Variants in RABGAP1 observed in about 807,000 individuals in gnomAD.
RABGAP1 encodes rab GTPase-activating protein 1.
Under a neutral mutation model 137.6 loss-of-function variants are expected in RABGAP1, and 23 were observed. That is an observed-to-expected ratio of 0.17 (90% CI 0.12 to 0.24). RABGAP1 has a LOEUF of 0.24. RABGAP1 is among the 10% of genes least tolerant of loss of function. The pLI is 1.00. For synonymous variants in RABGAP1, 451 were observed against 450.7 expected, an observed-to-expected ratio of 1.00 and a Z score of -0.01; for missense variants, 906 against 1,275.8, an observed-to-expected ratio of 0.71 and a Z score of 4.42.
intron 14 of RABGAP1, among the ~76,000 whole-genome samples, chr9:123,067,530 T>A (rs2034215277): frequency 6.6e-6 from 1 of 152,232 alleles, no homozygotes; most frequent in South Asian, 2.1e-4. Flanking sequence ...TTGTATTATA[T>A]CCTGACTTAG....
At chr9:123,066,249 A>G (rs2034167859) in intron 14 of RABGAP1, among the ~76,000 whole-genome samples, 1 of 152,260 alleles carries the variant, frequency 6.6e-6, no homozygotes, top group African/African-American at 2.4e-5. Context: ...AGTTGAGTTT[A>G]GAGAAATATT....
chr9:122,976,652 G>T (rs1835773594), intron 2 of RABGAP1, among the ~76,000 whole-genome samples: 1 of 152,156 alleles, frequency 6.6e-6, no homozygotes, highest in Non-Finnish European at 1.5e-5. Flanking sequence ...CAGTAAATAT[G>T]TATTTCAGGT....
At chr9:122,979,400 TGCAA>T (rs1472006518) in intron 2 of RABGAP1, among the ~76,000 whole-genome samples, 2 of 152,214 alleles carry the variant, frequency 1.3e-5, no homozygotes, top group Non-Finnish European at 2.9e-5. Context: ...ATATATGACT[TGCAA>T]ATGTTTTCTC....
intron 10 of RABGAP1, among the ~76,000 whole-genome samples, chr9:123,005,301 C>T (rs868259045): frequency 2.3e-3 from 306 of 135,740 alleles, no homozygotes; most frequent in Middle Eastern, 7.7e-3. Context: ...TTTTTTTTTC[C>T]TTTTTTTTTT....
chr9:123,056,334 G>C (rs1343182036), intron 13 of RABGAP1, among the ~76,000 whole-genome samples: 1 of 152,154 alleles, frequency 6.6e-6, no homozygotes, highest in Non-Finnish European at 1.5e-5. Context: ...AGGAGCATAG[G>C]ACAAGTATAC....
intron 2 of RABGAP1, among the ~76,000 whole-genome samples, chr9:122,970,486 G>A (rs986029442): frequency 5.9e-5 from 9 of 152,034 alleles, no homozygotes; most frequent in African/African-American, 2.2e-4. Flanking sequence ...TAGATTCAGG[G>A]GGTACATGTA....
At chr9:122,972,688 A>G (rs1413740691) in intron 2 of RABGAP1, among the ~76,000 whole-genome samples, 1 of 152,244 alleles carries the variant, frequency 6.6e-6, no homozygotes, top group Non-Finnish European at 1.5e-5. Flanking sequence ...AGTTAGATGA[A>G]TGCTGTGGTG....
intron 19 of RABGAP1, among the ~76,000 whole-genome samples, chr9:123,083,318 T>C (rs920628884): frequency 1.3e-5 from 2 of 152,240 alleles, no homozygotes; most frequent in African/African-American, 4.8e-5. Flanking sequence ...CTCTATACAC[T>C]ACACAAAGTT....
chr9:123,072,454 C>G (rs532190418), intron 15 of RABGAP1, among the ~76,000 whole-genome samples: 13 of 152,300 alleles, frequency 8.5e-5, no homozygotes, highest in African/African-American at 3.1e-4. Flanking sequence ...ACCTTCAGTT[C>G]AAGGACATTT....
intron 10 of RABGAP1, 75 bp from the exon 11 acceptor site, chr9:123,010,279 C>T (rs1177534953): frequency 1.2e-5 from 16 of 1,342,800 alleles, no homozygotes; most frequent in Non-Finnish European, 1.6e-5. Context: ...CAATTAAAAA[C>T]ATTAAAAACA....
At chr9:122,953,405 C>CT (rs775177739) in intron 1 of RABGAP1, among the ~76,000 whole-genome samples, 10,204 of 143,224 alleles carry the variant, frequency 0.071, 396 homozygotes, top group African/African-American at 0.09. Flanking sequence ...GAACCAGTAT[C>CT]TTTTTTTTTT....
chr9:123,057,192 C>T (rs1426217327), intron 13 of RABGAP1, among the ~76,000 whole-genome samples: 9 of 150,984 alleles, frequency 6.0e-5, no homozygotes, highest in Middle Eastern at 3.4e-3. Flanking sequence ...GGCTGCCGGG[C>T]GGAGACGCTC....
intron 12 of RABGAP1, among the ~76,000 whole-genome samples, chr9:123,019,385 G>GT (rs1341862349): frequency 6.6e-6 from 1 of 151,930 alleles, no homozygotes; most frequent in Non-Finnish European, 1.5e-5. Flanking sequence ...GAGTGCAGTG[G>GT]TGCGGTCTCT....
intron 13 of RABGAP1, among the ~76,000 whole-genome samples, chr9:123,064,751 G>C (rs1434561292): frequency 1.3e-5 from 2 of 152,200 alleles, no homozygotes; most frequent in Non-Finnish European, 1.5e-5. Flanking sequence ...ACTCATTATA[G>C]AAGAGGAAAC....
At chr9:122,962,373 G>C (rs1307695870) in intron 2 of RABGAP1, among the ~76,000 whole-genome samples, 8 of 148,560 alleles carry the variant, frequency 5.4e-5, no homozygotes, top group African/African-American at 1.9e-4. Flanking sequence ...CCACAAATCA[G>C]CCAGGCATTG....
At chr9:122,948,042 A>AAAC (rs1444013217) in intron 1 of RABGAP1, among the ~76,000 whole-genome samples, 39 of 146,046 alleles carry the variant, frequency 2.7e-4, no homozygotes, top group African/African-American at 9.2e-4. Flanking sequence ...GAGCCAGGAA[A>AAAC]ACACACACAC....
the RABGAP1 span, among the ~76,000 whole-genome samples, chr9:122,933,292 A>G: frequency 2.6e-5 from 4 of 152,022 alleles, no homozygotes; most frequent in African/African-American, 4.8e-5. Context: ...ATTTTTATAT[A>G]ATCTTGTTGT....
chr9:123,086,100 T>A (rs1261128515), intron 19 of RABGAP1, among the ~76,000 whole-genome samples: 1 of 152,180 alleles, frequency 6.6e-6, no homozygotes, highest in East Asian at 1.9e-4. Flanking sequence ...ATGAATTGAC[T>A]TGATGCTATG....
rs1260488409 is a variant in RABGAP1 at position 123,007,440 on chromosome 9, C to T, written c.1375-2914C>T. 4.9e-5 allele frequency among the ~76,000 whole-genome samples: 7 copies of T among 143,734 alleles called. No individual in the cohort carries two copies. The East Asian group carries it at 6.2e-4, about 13-fold the overall frequency. The allele number at this position is 143,734 out of a possible 152,430, so 94.3% of individuals were successfully genotyped here. ...TTACATAGGCTGGAGTACAGTGGAA[C>T]GATCTCAGCTCACTGCAGCCTCTGC... On this transcript the variant is annotated intron_variant, in intron 10 of 25. Transcript: ENST00000373647.
Sources: allele counts gnomAD v4.1 joint callset (sites outside exome capture counted in the v4.1 genomes callset), GRCh38; gene constraint gnomAD v4.1.1; transcripts MANE v1.5; gene names NCBI Gene and HGNC (gene_info 2026-07-23, HGNC 2026-07-21).